The following ADAMTS6 variants were observed in gnomAD, a reference collection of about 807,000 sequenced individuals.
ADAMTS6 encodes ADAM metallopeptidase with thrombospondin type 1 motif 6.
Under a neutral mutation model 144.3 loss-of-function variants are expected in ADAMTS6, and 23 were observed. The ratio of observed to expected loss-of-function variants is 0.16; its 90% confidence interval spans 0.11 to 0.23. The LOEUF is 0.23. ADAMTS6 is among the 10% of genes least tolerant of loss of function. ADAMTS6 has a pLI of 1.00. For missense variants in ADAMTS6, 999 were observed against 1,379.6 expected (o/e 0.72, Z 4.37); for synonymous variants, 444 against 457.5 (o/e 0.97, Z 0.38).
intron 7 of ADAMTS6, among the ~76,000 whole-genome samples, chr5:65,336,754 T>A (rs891646956): frequency 1.3e-5 from 2 of 152,120 alleles, no homozygotes; most frequent in African/African-American, 2.4e-5. Flanking sequence ...ATAATGGAAT[T>A]TGATCTAAAA....
chr5:65,291,118 C>T (rs923634260), intron 11 of ADAMTS6, among the ~76,000 whole-genome samples: 1 of 152,048 alleles, frequency 6.6e-6, no homozygotes, highest in Non-Finnish European at 1.5e-5. Flanking sequence ...GCATCCCTCA[C>T]AAGAAATCTG....
chr5:65,290,991 T>C (rs1044623414), intron 11 of ADAMTS6, among the ~76,000 whole-genome samples: 13 of 152,028 alleles, frequency 8.6e-5, no homozygotes, highest in Non-Finnish European at 1.3e-4. Flanking sequence ...TATAAGAGTA[T>C]CAGAAAAGTG....
chr5:65,436,152 G>A (rs1456559759), intron 7 of ADAMTS6, among the ~76,000 whole-genome samples: 1 of 151,986 alleles, frequency 6.6e-6, no homozygotes, highest in Non-Finnish European at 1.5e-5. Context: ...TTGAGCTGAA[G>A]AGCTCGAGAC....
rs1407453660 is a variant in ADAMTS6 at position 65,150,337 on chromosome 5, G to A, written c.*1499C>T. ...CCTGCTGCAAGCTACACGTGTTCAAGTAAAAAATATTAATATAAACAAGTA... is the reference window on the plus strand; with the variant it reads ...CCTGCTGCAAGCTACACGTGTTCAAATAAAAAATATTAATATAAACAAGTA... On this transcript the variant is annotated 3_prime_UTR_variant, in exon 25 of 25. Coordinates refer to ENST00000381055, the MANE Select transcript of ADAMTS6 (RefSeq NM_197941.4). The A allele has an allele frequency of 6.6e-6, 1 of 152,576 alleles. No individual in the cohort carries two copies. Among genetic ancestry groups the A allele is most frequent in the African/African-American group, 2.4e-5 (1 of 41,418 alleles). 9.5% of individuals were successfully genotyped at this position (152,576 alleles called of 1,614,324 possible).
chr5:65,422,238 T>C (rs1013228505), intron 7 of ADAMTS6, among the ~76,000 whole-genome samples: 3 of 152,158 alleles, frequency 2.0e-5, no homozygotes, highest in Non-Finnish European at 4.4e-5. Flanking sequence ...AAATTGAAGA[T>C]CAGCAAATTA....
chr5:65,435,307 G>C (rs1181059946), intron 7 of ADAMTS6, among the ~76,000 whole-genome samples: 1 of 152,078 alleles, frequency 6.6e-6, no homozygotes, highest in East Asian at 1.9e-4. Context: ...CTCAAAGCAA[G>C]GAATTAGGGG....
intron 14 of ADAMTS6, among the ~76,000 whole-genome samples, chr5:65,260,043 T>G (rs1383845396): frequency 1.3e-5 from 2 of 152,118 alleles, no homozygotes; most frequent in Non-Finnish European, 2.9e-5. Context: ...AAGCAATATC[T>G]TCAGAGGAAG....
At chr5:65,274,213 A>G (rs1161397243) in intron 11 of ADAMTS6, among the ~76,000 whole-genome samples, 1 of 152,052 alleles carries the variant, frequency 6.6e-6, no homozygotes, top group African/African-American at 2.4e-5. Flanking sequence ...CTATATTAAC[A>G]TATCAGATTT....
At chr5:65,445,494 C>T (rs565007508) in intron 7 of ADAMTS6, among the ~76,000 whole-genome samples, 3 of 152,250 alleles carry the variant, frequency 2.0e-5, no homozygotes, top group South Asian at 2.1e-4. Flanking sequence ...CGTGCCACCA[C>T]GCCCGACTAA....
intron 1 of ADAMTS6, among the ~76,000 whole-genome samples, chr5:65,480,787 A>G (rs1184725623): frequency 6.6e-6 from 1 of 152,092 alleles, no homozygotes; most frequent in Non-Finnish European, 1.5e-5. Flanking sequence ...TAAATCAAAA[A>G]CACACGTTTC....
chr5:65,201,814 C>T (rs1755758154), intron 20 of ADAMTS6, among the ~76,000 whole-genome samples: 1 of 152,120 alleles, frequency 6.6e-6, no homozygotes, highest in Non-Finnish European at 1.5e-5. Context: ...TGTCTGGTGG[C>T]TAAGGCAACA....
At chr5:65,418,247 C>A (rs1226622338) in intron 7 of ADAMTS6, among the ~76,000 whole-genome samples, 1 of 151,998 alleles carries the variant, frequency 6.6e-6, no homozygotes, top group Non-Finnish European at 1.5e-5. Context: ...AATGTAAGAC[C>A]TCAAATTATA....
intron 9 of ADAMTS6, among the ~76,000 whole-genome samples, chr5:65,308,276 G>A (rs1417402485): frequency 6.6e-6 from 1 of 152,184 alleles, no homozygotes; most frequent in African/African-American, 2.4e-5. Flanking sequence ...AGAACTACTG[G>A]TGCCTATGCA....
rs1173970150 is a variant in ADAMTS6, at chr5:65,460,311, C to G, written c.490G>C (p.Glu164Gln). The G allele has an allele frequency of 6.2e-7, 1 of 1,612,730 alleles. No homozygotes were observed. Among genetic ancestry groups the G allele is most frequent in the Admixed American group, 1.7e-5 (1 of 59,866 alleles). Residue 164 changes from glutamate (E) to glutamine (Q), a missense_variant, in exon 4 of 25, where the codon GAG (glutamate) becomes CAG (glutamine). By Grantham distance (29) the Glu-to-Gln change is conservative. Transcript: ENST00000381055. ...LHGVIATEDE[E>Q]YFIEPLKNTT... ...TTCTTTAAAGGTTCGATAAAATACT[C>G]TTCATCTTCTGTAGCAATAACACCA...
chr5:65,395,566 A>C (rs1343628033), intron 7 of ADAMTS6, among the ~76,000 whole-genome samples: 1 of 152,182 alleles, frequency 6.6e-6, no homozygotes, highest in Admixed American at 6.5e-5. Flanking sequence ...CCAAACACTG[A>C]ATATTATTTA....
intron 8 of ADAMTS6, among the ~76,000 whole-genome samples, chr5:65,331,089 G>A (rs538071090): frequency 6.6e-6 from 1 of 152,040 alleles, no homozygotes; most frequent in East Asian, 1.9e-4. Flanking sequence ...TTTAAAAATT[G>A]CATTATATTA....
intron 23 of ADAMTS6, among the ~76,000 whole-genome samples, chr5:65,171,218 C>G (rs897663135): frequency 6.6e-6 from 1 of 151,966 alleles, no homozygotes; most frequent in Non-Finnish European, 1.5e-5. Context: ...ACCATCTTAG[C>G]CAGCATGGTC....
In ADAMTS6 at chr5:65,474,627, C is replaced by G. The variant is rs571443749; in HGVS notation, c.-279-675G>C. Among the ~76,000 whole-genome samples the G allele has an allele frequency of 2.4e-4, 36 of 152,034 alleles. No individual in the cohort carries two copies. The South Asian group carries it at 7.5e-3, about 32-fold the overall frequency. Reference sequence around the variant, plus strand: ...TCATTTCAAGTATTACAACAGATTTCAAGTCCTAGCTCATGTACTTTACAT... The same window carrying G: ...TCATTTCAAGTATTACAACAGATTTGAAGTCCTAGCTCATGTACTTTACAT... On this transcript the variant is annotated intron_variant, in intron 1 of 24. Transcript: ENST00000381055.
At chr5:65,187,452 A>G (rs1754740705) in intron 22 of ADAMTS6, among the ~76,000 whole-genome samples, 1 of 152,226 alleles carries the variant, frequency 6.6e-6, no homozygotes, top group South Asian at 2.1e-4. Context: ...CTTCAGCTCC[A>G]TGTTTCTTTC....
Sources: gnomAD v4.1 joint callset for allele counts (sites outside exome capture counted in the v4.1 genomes callset) on GRCh38, gnomAD v4.1.1 for gene constraint, MANE v1.5 for transcripts, NCBI Gene and HGNC (gene_info 2026-07-23, HGNC 2026-07-21) for gene names.